TRIM36: variants seen among roughly 807,000 people sequenced by gnomAD.
TRIM36 encodes the protein E3 ubiquitin-protein ligase TRIM36.
TRIM36 carries 42 observed loss-of-function variants against 72.4 expected under a neutral mutation model. That is an observed-to-expected ratio of 0.58 (90% CI 0.45 to 0.75). The LOEUF (loss-of-function observed/expected upper bound fraction) is 0.75, where lower values mean the gene tolerates loss of function less well. Ranked by LOEUF, TRIM36 falls within the 30% of genes least tolerant of loss-of-function variation. The pLI is 0.00. For synonymous variants in TRIM36, 315 were observed against 282.8 expected, an observed-to-expected ratio of 1.11 and a Z score of -1.14; for missense variants, 913 against 857.1, an observed-to-expected ratio of 1.07 and a Z score of -0.81.
chr5:115,149,620 C>T (rs1423082976), intron 2 of TRIM36: 2 of 103,146 alleles, frequency 1.9e-5, no homozygotes, highest in South Asian at 3.4e-4. Flanking sequence ...CTGTTTACCT[C>T]TGCTACTGTG....
intron 2 of TRIM36, among the ~76,000 whole-genome samples, chr5:115,162,499 A>G (rs1754536469): frequency 6.6e-6 from 1 of 152,244 alleles, no homozygotes; most frequent in African/African-American, 2.4e-5. Context: ...TGTTCTTCAT[A>G]TGAATCACAT....
intron 7 of TRIM36, among the ~76,000 whole-genome samples, chr5:115,135,000 T>C (rs1333384160): frequency 1.3e-5 from 2 of 152,170 alleles, no homozygotes; most frequent in Non-Finnish European, 2.9e-5. Context: ...GTAATTACTA[T>C]AACCTTTTTG....
chr5:115,165,515 C>T (rs538478372), intron 1 of TRIM36, among the ~76,000 whole-genome samples: 1 of 152,352 alleles, frequency 6.6e-6, no homozygotes, highest in South Asian at 2.1e-4. Flanking sequence ...TGAACTGTAC[C>T]TTGGCCCCTT....
rs937547066 is a variant in TRIM36 at position 115,132,558 on chromosome 5, A to G, written c.1498+1302T>C. 2.4e-4 allele frequency among the ~76,000 whole-genome samples: 37 copies of G among 151,776 alleles called. 1 individual carries two copies. Among genetic ancestry groups the G allele is most frequent in the African/African-American group, 8.2e-4 (34 of 41,398 alleles). ...GACTCCACCTCCAAAAAGAAAAAAA[A>G]AAAAAAAAAAAGACTGCTAGCAAAC... On this transcript the variant is annotated intron_variant, in intron 8 of 9. Coordinates refer to ENST00000513154, the MANE Select transcript of TRIM36 (RefSeq NM_001300759.2).
At chr5:115,128,066 T>C (rs1374739820) in intron 9 of TRIM36, among the ~76,000 whole-genome samples, 2 of 135,330 alleles carry the variant, frequency 1.5e-5, no homozygotes, top group African/African-American at 5.4e-5. Context: ...AAAAAACTTG[T>C]AGAACAAGGC....
At position 115,147,371 on chromosome 5, in the gene TRIM36, G is replaced by T; in HGVS notation, c.286C>A (p.Pro96Thr). ...GGGCAAGGGAAAACAGTTGTCCTCGGGGTCAATGAATTGCGCTTCCAGCCT... is the reference window on the plus strand; with the variant it reads ...GGGCAAGGGAAAACAGTTGTCCTCGTGGTCAATGAATTGCGCTTCCAGCCT... ...RPGWKRNSLT[P>T]RTTVFPCPGC... The change falls in exon 3 of 10, where the codon CCG becomes ACG. Residue 96 changes from proline to threonine, a missense_variant. Pro to Thr is a conservative substitution (Grantham distance 38, BLOSUM62 -1). Transcript: ENST00000513154. The T allele has an allele frequency of 6.2e-7, 1 of 1,612,314 alleles. No homozygotes were observed. The highest frequency in any genetic ancestry group is 8.5e-7 in the Non-Finnish European group (1 of 1,178,352).
chr5:115,132,392 G>A (rs951266356), intron 8 of TRIM36, among the ~76,000 whole-genome samples: 1 of 151,552 alleles, frequency 6.6e-6, no homozygotes, highest in Non-Finnish European at 1.5e-5. Context: ...AATTAGCCAG[G>A]CATGCTGGTC....
At chr5:115,179,697 C>T (rs2126965639) in intron 1 of TRIM36, among the ~76,000 whole-genome samples, 1 of 152,370 alleles carries the variant, frequency 6.6e-6, no homozygotes, top group African/African-American at 2.4e-5. Context: ...GCTGGGCTCT[C>T]GCCCTTCGGC....
At chr5:115,130,968 G>T in intron 8 of TRIM36, 79 bp from the exon 9 acceptor site, 1 of 1,457,066 alleles carries the variant, frequency 6.9e-7, no homozygotes, top group Non-Finnish European at 9.2e-7. Flanking sequence ...TTTTCTTACA[G>T]AAATTACTGA....
At chr5:115,167,866 G>A (rs1754875096) in intron 1 of TRIM36, among the ~76,000 whole-genome samples, 1 of 152,226 alleles carries the variant, frequency 6.6e-6, no homozygotes. Flanking sequence ...ATACCCAAGA[G>A]TGGCTAATTT....
chr5:115,165,899 A>C (rs1754746930), intron 1 of TRIM36, among the ~76,000 whole-genome samples: 1 of 152,068 alleles, frequency 6.6e-6, no homozygotes, highest in Admixed American at 6.5e-5. Context: ...GCTGTGGCCA[A>C]GCCCGGGCAC....
intron 1 of TRIM36, chr5:115,177,330 G>A: frequency 5.4e-6 from 1 of 184,862 alleles, no homozygotes; most frequent in East Asian, 1.4e-4. Context: ...ACAAATCTGG[G>A]GGAAAAGTGA....
chr5:115,175,123 T>C (rs1440266657), intron 1 of TRIM36, among the ~76,000 whole-genome samples: 1 of 151,384 alleles, frequency 6.6e-6, no homozygotes, highest in Non-Finnish European at 1.5e-5. Context: ...TTTTTTAGTA[T>C]ATGTTCCAAA....
chr5:115,176,644 T>C (rs531759624), intron 1 of TRIM36, among the ~76,000 whole-genome samples: 41 of 152,346 alleles, frequency 2.7e-4, no homozygotes, highest in Admixed American at 1.6e-3. Flanking sequence ...TTGAATTCTA[T>C]ATTCCTTGTC....
intron 3 of TRIM36, among the ~76,000 whole-genome samples, chr5:115,146,139 C>T (rs773644933): frequency 6.6e-6 from 1 of 152,098 alleles, no homozygotes; most frequent in Non-Finnish European, 1.5e-5. Flanking sequence ...GAACATAATA[C>T]AGGATTAAAA....
At chr5:115,179,371 C>T (rs1003270122) in intron 1 of TRIM36, among the ~76,000 whole-genome samples, 1 of 152,222 alleles carries the variant, frequency 6.6e-6, no homozygotes, top group African/African-American at 2.4e-5. Flanking sequence ...CAGCATCTTC[C>T]CCTCCCTACC....
intron 5 of TRIM36, among the ~76,000 whole-genome samples, chr5:115,141,026 G>A (rs1753247146): frequency 6.6e-6 from 1 of 152,036 alleles, no homozygotes; most frequent in African/African-American, 2.4e-5. Context: ...CTTGTTAGTT[G>A]CCACACAAAT....
intron 4 of TRIM36, among the ~76,000 whole-genome samples, chr5:115,143,268 G>A (rs1753384463): frequency 1.4e-5 from 2 of 141,890 alleles, no homozygotes; most frequent in Admixed American, 1.4e-4. Flanking sequence ...TAAATTCACA[G>A]GGCATTGAAA....
At chr5:115,127,574 C>A (rs370416136) in intron 9 of TRIM36, among the ~76,000 whole-genome samples, 55 of 152,226 alleles carry the variant, frequency 3.6e-4, no homozygotes, top group African/African-American at 1.2e-3. Flanking sequence ...TAAATAAATT[C>A]ATTCATTCAT....
Sources: allele counts gnomAD v4.1 joint callset (sites outside exome capture counted in the v4.1 genomes callset), GRCh38; gene constraint gnomAD v4.1.1; transcripts MANE v1.5; gene names NCBI Gene and HGNC (gene_info 2026-07-23, HGNC 2026-07-21).